ZNF662: variants seen among roughly 807,000 people sequenced by gnomAD.
ZNF662 encodes the protein zinc finger protein 662.
In ZNF662, 14 loss-of-function variants were observed where a neutral mutation model predicts 12.4. That is an observed-to-expected ratio of 1.13 (90% CI 0.75 to 1.77). The LOEUF is 1.77. ZNF662 is among the 40% of genes most tolerant of loss of function. The pLI is 0.00. For missense variants in ZNF662, 550 were observed against 515.6 expected (o/e 1.07, Z -0.65); for synonymous variants, 184 against 176.4 (o/e 1.04, Z -0.34).
At position 42,906,304 on chromosome 3, in the gene ZNF662, C is replaced by G. The variant is rs1322221171; in HGVS notation, c.-94+136C>G. ...CGCTCTTCCGCGACCCCAACAGCCT[C>G]TGGTCCGGTCTGGCGCGCCCTCGCT... On this transcript the variant is annotated intron_variant, in intron 1 of 4. Coordinates refer to ENST00000440367, the MANE Select transcript of ZNF662 (RefSeq NM_207404.4). The surrounding 1 kb of genome is among the most constrained non-coding windows in gnomAD (Gnocchi z 4.4). 10 of 1,515,240 alleles carry G rather than the reference C, an allele frequency of 6.6e-6. No homozygotes were observed. The highest frequency in any genetic ancestry group is 8.8e-6 in the Non-Finnish European group (10 of 1,133,442). 93.9% of individuals were successfully genotyped at this position (1,515,240 alleles called of 1,614,324 possible).
intron 3 of ZNF662, among the ~76,000 whole-genome samples, chr3:42,910,378 G>C (rs926472416): frequency 6.6e-6 from 1 of 152,024 alleles, no homozygotes; most frequent in Non-Finnish European, 1.5e-5. Flanking sequence ...GGGAGAGGGA[G>C]AGCTTTTATA....
At position 42,914,401 on chromosome 3, in the gene ZNF662, G is replaced by T; in HGVS notation, c.328G>T (p.Val110Phe). The T allele has an allele frequency of 6.2e-7, 1 of 1,613,938 alleles. No individual in the cohort carries two copies. The highest frequency in any genetic ancestry group is 2.2e-5 in the East Asian group (1 of 44,870). ...EIIEEAQDLM[V>F]LSSGPQWCGS... ...TATTGAGGAAGCACAGGACCTCATG[G>T]TCCTATCAAGTGGACCCCAGTGGTG... The change falls in exon 5 of 5, where the codon GTC becomes TTC. Residue 110 changes from valine to phenylalanine, a missense_variant. By Grantham distance (50) the Val-to-Phe change is conservative. Coordinates refer to ENST00000440367, the MANE Select transcript of ZNF662 (RefSeq NM_207404.4).
intron 4 of ZNF662, 149 bp downstream of exon 4, chr3:42,913,451 C>A (rs1231918609): frequency 1.7e-6 from 1 of 589,536 alleles, no homozygotes; most frequent in East Asian, 2.8e-5. Flanking sequence ...AAAACTTAAA[C>A]CCTAAGCTTC....
intron 3 of ZNF662, among the ~76,000 whole-genome samples, chr3:42,911,770 T>C (rs532778721): frequency 3.3e-5 from 5 of 152,236 alleles, no homozygotes; most frequent in South Asian, 2.1e-4. Flanking sequence ...GAGGTGTCTG[T>C]TATTGAGTAA....
Position 42,906,342 on chromosome 3 carries a change from G to T in ZNF662, c.-94+174G>T. The T allele has an allele frequency of 6.5e-7, 1 of 1,529,142 alleles. No individual in the cohort carries two copies. The highest frequency in any genetic ancestry group is 1.2e-5 in the South Asian group (1 of 83,268). The allele number at this position is 1,529,142 out of a possible 1,614,324, so 94.7% of individuals were successfully genotyped here. A position where few individuals can be genotyped will look rare whatever the true frequency, so the allele number is the denominator to read the frequency against. On this transcript the variant is annotated intron_variant, in intron 1 of 4. Transcript: ENST00000440367. This position sits in a 1 kb window ranked among gnomAD's most constrained non-coding sequence, Gnocchi z 4.4. ...GCGCGCCCTCGCTTTCCCAGAGGGC[G>T]ACCTGGGCTATGGCGGCCGTGGCGC...
At chr3:42,914,284 C>G in intron 4 of ZNF662, 43 bp from the exon 5 acceptor site, 2 of 1,522,836 alleles carry the variant, frequency 1.3e-6, no homozygotes, top group Non-Finnish European at 1.8e-6. Flanking sequence ...GTCGCTGTGT[C>G]ATGGATAATG....
intron 1 of ZNF662, among the ~76,000 whole-genome samples, chr3:42,907,082 T>A (rs1213060647): frequency 6.6e-6 from 1 of 152,150 alleles, no homozygotes; most frequent in Admixed American, 6.5e-5. Flanking sequence ...CAGAATGGGC[T>A]CCTCCACAGT....
rs1559383688 is a variant in ZNF662, at chr3:42,917,415, T to C, written c.*2061T>C. 1.5e-6 allele frequency: 1 copy of C among 670,718 alleles called. No homozygotes were observed. 41.5% of individuals were successfully genotyped at this position (670,718 alleles called of 1,614,324 possible). A position where few individuals can be genotyped will look rare whatever the true frequency, so the allele number is the denominator to read the frequency against. On this transcript the variant is annotated 3_prime_UTR_variant, in exon 5 of 5. Coordinates refer to ENST00000440367, the MANE Select transcript of ZNF662 (RefSeq NM_207404.4). The stretch of plus-strand genomic sequence containing the variant: ...GTGGCACATAGGAAAATGTGAGACC[T>C]AGAATTATAGCAACTTTTTTTTTCT...
chr3:42,909,010 AGTGG>A, intron 3 of ZNF662, 101 bp downstream of exon 3: 13 of 711,872 alleles, frequency 1.8e-5, no homozygotes, highest in Non-Finnish European at 2.9e-5. Flanking sequence ...TGTAGACACT[AGTGG>A]GATTGCATTT....
rs1559381509 is a variant in ZNF662, at chr3:42,912,664, A to ATTTTT, written c.152-536_152-535insTTTTT. ...TTTATATATATATAAATATATATAT[A>ATTTTT]TATTTTTTATATATATAAATATATA... On this transcript the variant is annotated intron_variant, in intron 3 of 4. Coordinates refer to ENST00000440367, the MANE Select transcript of ZNF662 (RefSeq NM_207404.4). Among the ~76,000 whole-genome samples the ATTTTT allele has an allele frequency of 2.1e-3, 107 of 50,668 alleles. 8 individuals are homozygous for ATTTTT. Among genetic ancestry groups the ATTTTT allele is most frequent in the African/African-American group, 4.7e-3 (76 of 16,314 alleles). 33.2% of individuals were successfully genotyped at this position (50,668 alleles called of 152,430 possible).
At chr3:42,912,642 A>T (rs1318867659) in intron 3 of ZNF662, among the ~76,000 whole-genome samples, 115 of 59,482 alleles carry the variant, frequency 1.9e-3, no homozygotes, top group Middle Eastern at 0.011. Context: ...TATATATTTT[A>T]TATATATATA....
At chr3:42,908,399 G>A (rs1272351320) in intron 2 of ZNF662, 1 of 1,301,564 alleles carries the variant, frequency 7.7e-7, no homozygotes, top group Non-Finnish European at 9.8e-7. Context: ...GGTATAGTGA[G>A]AAGAGAGCAA....
chr3:42,913,354 T>C (rs1418326371), intron 4 of ZNF662, 52 bp downstream of exon 4: 2 of 1,450,780 alleles, frequency 1.4e-6, no homozygotes, highest in Non-Finnish European at 1.9e-6. Flanking sequence ...TTTTCCTATC[T>C]TTCTTTTATA....
intron 1 of ZNF662, 159 bp from the exon 2 acceptor site, chr3:42,907,863 C>T: frequency 1.0e-6 from 1 of 985,404 alleles, no homozygotes; most frequent in Non-Finnish European, 1.2e-6. Context: ...TCTCTTTGTA[C>T]ATAGGAGGCA....
chr3:42,914,518 A>G lies in ZNF662; in HGVS notation c.445A>G (p.Ser149Gly). 4 of 1,614,134 alleles carry G rather than the reference A, an allele frequency of 2.5e-6. No homozygotes were observed. Among genetic ancestry groups the G allele is most frequent in the Non-Finnish European group, 3.4e-6 (4 of 1,180,030 alleles). Residue 149 changes from serine to glycine, a missense_variant, in exon 5 of 5, where the codon AGT (serine) becomes GGT (glycine). Coordinates refer to ENST00000440367, the MANE Select transcript of ZNF662 (RefSeq NM_207404.4). Reference sequence around the variant, plus strand: ...TTACCTCAATGGGGGACGTATGGAAAGTTCTACAAATGATATTATAGAAGT... The same window carrying G: ...TTACCTCAATGGGGGACGTATGGAAGGTTCTACAAATGATATTATAGAAGT... ...PGYLNGGRME[S>G]STNDIIEVIV...
intron 1 of ZNF662, chr3:42,907,685 C>T (rs2088702638): frequency 1.0e-6 from 1 of 985,178 alleles, no homozygotes; most frequent in Admixed American, 6.1e-5. Flanking sequence ...GGGTGGGTGA[C>T]CTCTGAAGGA....
Position 42,906,431 on chromosome 3 carries a change from G to T in ZNF662, c.-94+263G>T. 6.8e-7 allele frequency: 1 copy of T among 1,468,302 alleles called. No individual in the cohort carries two copies. The allele number at this position is 1,468,302 out of a possible 1,614,324, so 91.0% of individuals were successfully genotyped here. ...CTCCCGGGACAGCCCGCGCTGCCCC[G>T]GGCGCGCCGGGTGAGTGCGGGGCCG... On this transcript the variant is annotated intron_variant, in intron 1 of 4. Transcript: ENST00000440367. The surrounding 1 kb of genome is among the most constrained non-coding windows in gnomAD (Gnocchi z 4.4).
rs2088888019 is a variant in ZNF662 at position 42,915,407 on chromosome 3, G to C, written c.*53G>C. On this transcript the variant is annotated 3_prime_UTR_variant, in exon 5 of 5. Transcript: ENST00000440367. ...TAATTCTTATGCTGCAGGAACCCTAGAGACAAAATGAGATGACCATTCACA... is the reference window on the plus strand; with the variant it reads ...TAATTCTTATGCTGCAGGAACCCTACAGACAAAATGAGATGACCATTCACA... 6.8e-7 allele frequency: 1 copy of C among 1,473,730 alleles called. No individual in the cohort carries two copies. The highest frequency in any genetic ancestry group is 1.4e-5 in the African/African-American group (1 of 70,704). The allele number at this position is 1,473,730 out of a possible 1,614,324, so 91.3% of individuals were successfully genotyped here.
Position 42,914,542 on chromosome 3 carries a change from G to A in ZNF662, c.469G>A (p.Val157Met). ...MESSTNDIIEVIVKDEMISVE... is the reference protein window; with the variant it reads ...MESSTNDIIEMIVKDEMISVE... ...AAGTTCTACAAATGATATTATAGAA[G>A]TGATTGTCAAGGATGAGATGATCTC... The change falls in exon 5 of 5, where the codon GTG becomes ATG. Residue 157 changes from valine (V) to methionine (M), a missense_variant. Physicochemically the swap from Val to Met is conservative, Grantham distance 21. Coordinates refer to ENST00000440367, the MANE Select transcript of ZNF662 (RefSeq NM_207404.4). 14 of 1,614,120 alleles carry A rather than the reference G, an allele frequency of 8.7e-6. No homozygotes were observed. The highest frequency in any genetic ancestry group is 9.3e-6 in the Non-Finnish European group (11 of 1,180,002).
Sources: allele counts gnomAD v4.1 joint callset (sites outside exome capture counted in the v4.1 genomes callset), GRCh38; gene constraint gnomAD v4.1.1; non-coding constraint Gnocchi (gnomAD v3.1); transcripts MANE v1.5; gene names NCBI Gene and HGNC (gene_info 2026-07-23, HGNC 2026-07-21).